The following UPRT variants were observed in gnomAD, a reference collection of about 807,000 sequenced individuals.
UPRT encodes the protein uracil phosphoribosyltransferase homolog.
UPRT carries 5 observed loss-of-function variants against 22.6 expected under a neutral mutation model. The observed-to-expected ratio is 0.22, with a 90% CI of 0.12 to 0.47. UPRT has a LOEUF of 0.47. UPRT is among the 20% of genes least tolerant of loss of function. The pLI, the probability that UPRT is intolerant of heterozygous loss-of-function variation, is 0.99. For synonymous variants in UPRT, 77 were observed against 87.7 expected, an observed-to-expected ratio of 0.88 and a Z score of 0.68; for missense variants, 181 against 239.9, an observed-to-expected ratio of 0.75 and a Z score of 1.62.
chrX:75,281,084 T>A (rs777685124), intron 1 of UPRT, among the ~76,000 whole-genome samples: 1 of 111,374 alleles, frequency 9.0e-6, no homozygotes, highest in South Asian at 3.8e-4. Flanking sequence ...TGTTTGTGTA[T>A]AGAAGAGCTA....
chrX:75,250,768 T>A (rs1418822727), intron 4 of UPRT, among the ~76,000 whole-genome samples: 2 of 111,471 alleles, frequency 1.8e-5, no homozygotes, highest in Non-Finnish European at 3.8e-5. Context: ...AAAAAGAGAA[T>A]TTTAGACTAA....
intron 3 of UPRT, among the ~76,000 whole-genome samples, chrX:75,296,846 C>T (rs775649401): frequency 5.0e-4 from 56 of 111,857 alleles, no homozygotes; most frequent in African/African-American, 1.7e-3. Flanking sequence ...GTGCTTTGTT[C>T]TATCCTTTAA....
At chrX:75,271,539 A>G (rs1057412518), upstream of UPRT, among the ~76,000 whole-genome samples, 21 of 112,448 alleles carry the variant, frequency 1.9e-4, no homozygotes, top group Non-Finnish European at 3.4e-4. Context: ...AACTATAAAA[A>G]TTCTAGAAGA....
At chrX:75,160,864 C>T (rs2082197042) in intron 2 of UPRT, among the ~76,000 whole-genome samples, 1 of 111,835 alleles carries the variant, frequency 8.9e-6, no homozygotes. Flanking sequence ...ATTCCAAAAG[C>T]AGTTCAACGA....
At chrX:75,213,932 T>A (rs976125547) in intron 4 of UPRT, among the ~76,000 whole-genome samples, 10 of 111,755 alleles carry the variant, frequency 8.9e-5, no homozygotes, top group African/African-American at 3.2e-4. Context: ...AGGCAGAAAA[T>A]TAATAAGGAC....
intron 4 of UPRT, among the ~76,000 whole-genome samples, chrX:75,194,663 C>A (rs753009234): frequency 2.7e-5 from 3 of 110,952 alleles, no homozygotes; most frequent in African/African-American, 9.8e-5. Flanking sequence ...TATGAGTGCC[C>A]TTTGAGCATG....
chrX:75,172,203 G>A (rs901877385), intron 4 of UPRT, among the ~76,000 whole-genome samples: 1 of 111,200 alleles, frequency 9.0e-6, no homozygotes, highest in African/African-American at 3.3e-5. Flanking sequence ...AGACCATTAG[G>A]TGGGGGCAGG....
intron 1 of UPRT, among the ~76,000 whole-genome samples, chrX:75,286,385 G>A (rs762021994): frequency 4.8e-4 from 53 of 109,508 alleles, no homozygotes; most frequent in African/African-American, 1.6e-3. Flanking sequence ...CCTGCCCCTC[G>A]CCCCATATGC....
intron 4 of UPRT, among the ~76,000 whole-genome samples, chrX:75,176,574 C>T (rs1602438511): frequency 9.0e-6 from 1 of 111,261 alleles, no homozygotes; most frequent in African/African-American, 3.3e-5. Flanking sequence ...CCTCCCCCTA[C>T]AGCTTGAAGG....
At chrX:75,281,591 T>A (rs1355617475) in intron 1 of UPRT, among the ~76,000 whole-genome samples, 1 of 112,070 alleles carries the variant, frequency 8.9e-6, no homozygotes, top group Non-Finnish European at 1.9e-5. Context: ...CATTAAACCA[T>A]CCCTGCATCC....
At chrX:75,260,500 CAAAG>C (rs1382103748) in intron 4 of UPRT, among the ~76,000 whole-genome samples, 2 of 111,872 alleles carry the variant, frequency 1.8e-5, no homozygotes, top group African/African-American at 3.2e-5. Flanking sequence ...TCAAAGGAGA[CAAAG>C]AAGGACATTA....
upstream of UPRT, among the ~76,000 whole-genome samples, chrX:75,272,036 C>T (rs1198309226): frequency 1.8e-5 from 2 of 109,879 alleles, no homozygotes; most frequent in Admixed American, 2.0e-4. Context: ...CACTGCTACA[C>T]TGCTGGTAGG....
At chrX:75,242,386 C>T (rs747290619) in intron 4 of UPRT, among the ~76,000 whole-genome samples, 3 of 110,725 alleles carry the variant, frequency 2.7e-5, no homozygotes, top group Non-Finnish European at 3.8e-5. Flanking sequence ...AATAGAAAAT[C>T]ATATCAGACT....
chrX:75,174,487 A>G (rs898991744), intron 4 of UPRT, among the ~76,000 whole-genome samples: 1 of 112,094 alleles, frequency 8.9e-6, no homozygotes, highest in Admixed American at 9.4e-5. Flanking sequence ...CGGGACCTAG[A>G]AAGGGGAGAA....
intron 3 of UPRT, among the ~76,000 whole-genome samples, chrX:75,163,648 A>G (rs184986668): frequency 8.9e-6 from 1 of 112,332 alleles, no homozygotes; most frequent in Non-Finnish European, 1.9e-5. Context: ...TTATAGCAGC[A>G]TTGTTTAGAA....
intron 3 of UPRT, among the ~76,000 whole-genome samples, chrX:75,296,672 G>A (rs996778382): frequency 9.0e-6 from 1 of 111,494 alleles, no homozygotes; most frequent in Non-Finnish European, 1.9e-5. Flanking sequence ...CTCTAATGAT[G>A]GCCCATTGAG....
chrX:75,165,403 C>T (rs1022559117), intron 3 of UPRT, among the ~76,000 whole-genome samples: 4 of 111,680 alleles, frequency 3.6e-5, no homozygotes, highest in African/African-American at 1.3e-4. Flanking sequence ...AAAGTCAGAT[C>T]TGCCTTTGGG....
At chrX:75,266,638 T>G (rs1314483272) in intron 4 of UPRT, among the ~76,000 whole-genome samples, 1 of 111,085 alleles carries the variant, frequency 9.0e-6, no homozygotes, top group Non-Finnish European at 1.9e-5. Context: ...GAAACTACCA[T>G]CAGAGTGAAC....
chrX:75,181,209 G>A (rs1164810872), intron 4 of UPRT, among the ~76,000 whole-genome samples: 2 of 110,619 alleles, frequency 1.8e-5, no homozygotes, highest in East Asian at 2.8e-4. Context: ...CTTCATTGGT[G>A]TACGTGTCTG....
Sources: gnomAD v4.1 joint callset for allele counts (sites outside exome capture counted in the v4.1 genomes callset) on GRCh38, gnomAD v4.1.1 for gene constraint, MANE v1.5 for transcripts, NCBI Gene and HGNC (gene_info 2026-07-23, HGNC 2026-07-21) for gene names.